COX15: variants seen among roughly 807,000 people sequenced by gnomAD.
The protein encoded by COX15 is heme A synthase COX15.
COX15 carries 51 observed loss-of-function variants against 51.9 expected under a neutral mutation model. That is an observed-to-expected ratio of 0.98 (90% CI 0.78 to 1.24). The LOEUF (loss-of-function observed/expected upper bound fraction) is 1.24. Among genes scored for constraint, COX15 ranks in the 50% most tolerant of loss-of-function variants. The probability of loss-of-function intolerance (pLI) is 0.00; values close to 1 mark genes in which losing one functional copy is unlikely to be tolerated. For synonymous variants in COX15, 188 were observed against 190.5 expected (o/e 0.99, Z 0.11); for missense variants, 420 against 501.1 (o/e 0.84, Z 1.55).
chr10:99,699,454 T>C, the COX15 span, among the ~76,000 whole-genome samples: 4 of 152,264 alleles, frequency 2.6e-5, no homozygotes, highest in Non-Finnish European at 5.9e-5. Context: ...CCTGGACAGA[T>C]GAAAGTTTAG....
At chr10:99,695,984 A>G in the COX15 span, 1 of 1,613,754 alleles carries the variant, frequency 6.2e-7, no homozygotes, top group South Asian at 1.1e-5. Flanking sequence ...CTGCTGGCTG[A>G]GTTCAACCTG....
chr10:99,704,440 A>G, the COX15 span: 1 of 1,613,910 alleles, frequency 6.2e-7, no homozygotes, highest in Non-Finnish European at 8.5e-7. Flanking sequence ...CAAATTCTTA[A>G]TTCTTCCCTA....
chr10:99,700,912 G>A, the COX15 span: 1 of 1,338,868 alleles, frequency 7.5e-7, no homozygotes, highest in South Asian at 1.2e-5. Context: ...CTGTGACTGT[G>A]GGGAAGGTAG....
rs1405036853 is a variant in COX15 at position 99,726,989 on chromosome 10, G to A, written c.561C>T (p.Leu187=). ...SRGMKGRVLA[L]CGLVCFQGLL... ...TTACCTGGAAGCAGACGAGGCCACA[G>A]AGGGCAAGAACACGTCCTTTCATGC... Residue 187 remains leucine (L), a synonymous_variant, in exon 4 of 9, where the codon CTC becomes CTT. Coordinates refer to ENST00000016171, the MANE Select transcript of COX15 (RefSeq NM_078470.6). The A allele has an allele frequency of 6.2e-7, 1 of 1,613,692 alleles. No individual in the cohort carries two copies.
Position 99,716,419 on chromosome 10 carries a change from A to C in COX15, c.1030T>G (p.Ser344Ala), listed in dbSNP as rs397514662. ...VTAITVLYFL[S>A]RRIPLPRRTK... ...CTTCTAGGAAGGGGAATTCTCCGAG[A>C]GAGGAAGTAGAGCACTGTAATGGCA... is the stretch of plus-strand genomic sequence containing the variant. The change falls in exon 8 of 9, where the codon TCT becomes GCT. Residue 344 changes from serine to alanine, a missense_variant. Transcript: ENST00000016171. 11 of 1,613,852 alleles carry C rather than the reference A, an allele frequency of 6.8e-6. No homozygotes were observed. The South Asian group carries it at 1.2e-4, about 18-fold the overall frequency.
At chr10:99,700,732 C>T in the COX15 span, 3 of 552,646 alleles carry the variant, frequency 5.4e-6, no homozygotes, top group Non-Finnish European at 9.7e-6. Flanking sequence ...GTCCTAACCT[C>T]AGCCCCTCTG....
chr10:99,704,614 C>T, the COX15 span: 1 of 1,614,066 alleles, frequency 6.2e-7, no homozygotes, highest in Non-Finnish European at 8.5e-7. Context: ...AAACACGAGC[C>T]TCAGCTCCAT....
downstream of COX15, chr10:99,710,414 C>T (rs1449457375): frequency 4.1e-6 from 4 of 985,176 alleles, no homozygotes; most frequent in Non-Finnish European, 4.8e-6. Flanking sequence ...ATGGCCTCTG[C>T]GGAGTGTAGT....
rs189724802 is a variant in COX15, at chr10:99,723,236, G to T, written c.750+720C>A. The T allele has an allele frequency of 3.2e-3, 483 of 152,234 alleles. 5 individuals carry two copies. Among genetic ancestry groups the T allele is most frequent in the African/African-American group, 0.011 (446 of 41,344 alleles). The allele number at this position is 152,234 out of a possible 1,614,324, so 9.4% of individuals were successfully genotyped here. Reference sequence around the variant, plus strand: ...CAGCTCACTGCAACCTCTGCCTCCCGGATTCAAGCAATTCTCCTGCCTCAG... The same window carrying T: ...CAGCTCACTGCAACCTCTGCCTCCCTGATTCAAGCAATTCTCCTGCCTCAG... On this transcript the variant is annotated intron_variant, in intron 5 of 8. Transcript: ENST00000016171.
chr10:99,700,366 C>T, the COX15 span, among the ~76,000 whole-genome samples: 4 of 151,202 alleles, frequency 2.6e-5, no homozygotes, highest in Admixed American at 6.6e-5. Flanking sequence ...TTTATTTTTC[C>T]CTGAGCATTT....
Position 99,714,509 on chromosome 10 carries a change from T to C in COX15, c.*78A>G, listed in dbSNP as rs1477289235. The C allele has an allele frequency of 1.1e-5, 18 of 1,609,458 alleles. No individual in the cohort carries two copies. The highest frequency in any genetic ancestry group is 9.3e-6 in the Non-Finnish European group (11 of 1,178,754). On this transcript the variant is annotated 3_prime_UTR_variant, in exon 9 of 9. Coordinates refer to ENST00000016171, the MANE Select transcript of COX15 (RefSeq NM_078470.6). ...CACTTGGTATGTCAAGGTCATCTCG[T>C]AGAAAAGCCCAAGTTCTTATGATCT...
At chr10:99,696,058 G>A in the COX15 span, 18 of 1,614,042 alleles carry the variant, frequency 1.1e-5, no homozygotes, top group Admixed American at 1.7e-5. Context: ...TCTGGGTTTC[G>A]GAGGCAACTT....
the COX15 span, among the ~76,000 whole-genome samples, chr10:99,696,669 T>C: frequency 6.6e-6 from 1 of 152,222 alleles, no homozygotes; most frequent in African/African-American, 2.4e-5. Flanking sequence ...CCAGATGAAG[T>C]AGTTAGACCT....
chr10:99,727,678 C>T, intron 2 of COX15, 115 bp from the exon 3 acceptor site: 1 of 1,264,774 alleles, frequency 7.9e-7, no homozygotes, highest in East Asian at 2.3e-5. Flanking sequence ...ACATTGTTTC[C>T]TTGTTTCCTC....
At chr10:99,710,360 T>TGAA (rs1357415417), downstream of COX15, 33 of 985,336 alleles carry the variant, frequency 3.3e-5, no homozygotes, top group Non-Finnish European at 3.7e-5. Context: ...GTTGAAGTCC[T>TGAA]GAAGTACATG....
intron 6 of COX15, among the ~76,000 whole-genome samples, chr10:99,720,553 GTGA>G (rs1163534365): frequency 6.6e-6 from 1 of 152,196 alleles, no homozygotes; most frequent in African/African-American, 2.4e-5. Context: ...TTGATGTAAT[GTGA>G]TGATAACAAT....
the COX15 span, chr10:99,695,916 A>G: frequency 6.4e-7 from 1 of 1,572,370 alleles, no homozygotes; most frequent in Non-Finnish European, 8.6e-7. Context: ...GAAGGCAACC[A>G]AAACTAAAAT....
chr10:99,696,294 G>A, the COX15 span, among the ~76,000 whole-genome samples: 1 of 152,182 alleles, frequency 6.6e-6, no homozygotes, highest in Admixed American at 6.5e-5. Flanking sequence ...GTCCCACTCT[G>A]GGTGAGGGTG....
the COX15 span, chr10:99,698,618 G>A: frequency 2.5e-6 from 4 of 1,614,204 alleles, no homozygotes; most frequent in East Asian, 2.2e-5. Context: ...ATGTGGTGGA[G>A]AGGAACAGCC....
Sources: gnomAD v4.1 joint callset for allele counts (sites outside exome capture counted in the v4.1 genomes callset) on GRCh38, gnomAD v4.1.1 for gene constraint, MANE v1.5 for transcripts, NCBI Gene and HGNC (gene_info 2026-07-23, HGNC 2026-07-21) for gene names.